The following SLC35D4 variants were observed in gnomAD, a reference collection of about 807,000 sequenced individuals.
SLC35D4 encodes UDP-N-acetylglucosamine transporter SLC35D4.
At chr18:23,400,073 G>A in the SLC35D4 span, among the ~76,000 whole-genome samples, 6 of 152,312 alleles carry the variant, frequency 3.9e-5, no homozygotes, top group Non-Finnish European at 7.4e-5. Flanking sequence ...AAAAGAACCA[G>A]TTTCAAGGGA....
At chr18:23,355,503 G>C in the SLC35D4 span, among the ~76,000 whole-genome samples, 1 of 152,184 alleles carries the variant, frequency 6.6e-6, no homozygotes, top group South Asian at 2.1e-4. Flanking sequence ...AACTACGAAA[G>C]TGAATTGTGT....
the SLC35D4 span, among the ~76,000 whole-genome samples, chr18:23,427,594 T>C: frequency 7.9e-5 from 12 of 152,152 alleles, no homozygotes; most frequent in African/African-American, 2.4e-4. Flanking sequence ...GTTCAACCAT[T>C]GTGGAAGACA....
the SLC35D4 span, among the ~76,000 whole-genome samples, chr18:23,313,185 G>A: frequency 6.9e-6 from 1 of 145,272 alleles, no homozygotes; most frequent in African/African-American, 2.5e-5. Context: ...CCTCCCTGGA[G>A]GGCACATGAA....
At chr18:23,321,905 T>C in the SLC35D4 span, among the ~76,000 whole-genome samples, 1 of 152,248 alleles carries the variant, frequency 6.6e-6, no homozygotes, top group Non-Finnish European at 1.5e-5. Flanking sequence ...ACACAGCCTT[T>C]TTCCCTTCGG....
At chr18:23,369,208 A>G in the SLC35D4 span, among the ~76,000 whole-genome samples, 4 of 152,226 alleles carry the variant, frequency 2.6e-5, no homozygotes, top group Non-Finnish European at 5.9e-5. Context: ...GCTTCTTGCT[A>G]CAAAAACACT....
At chr18:23,321,857 T>C in the SLC35D4 span, among the ~76,000 whole-genome samples, 1 of 152,238 alleles carries the variant, frequency 6.6e-6, no homozygotes, top group Non-Finnish European at 1.5e-5. Flanking sequence ...TAGGTTTTTG[T>C]ATACCCCAGC....
the SLC35D4 span, among the ~76,000 whole-genome samples, chr18:23,400,682 C>T: frequency 6.6e-6 from 1 of 152,088 alleles, no homozygotes; most frequent in Non-Finnish European, 1.5e-5. Context: ...CCAGAGTTAT[C>T]CTAATAATGA....
At chr18:23,422,440 T>C in the SLC35D4 span, among the ~76,000 whole-genome samples, 3 of 152,054 alleles carry the variant, frequency 2.0e-5, no homozygotes. Flanking sequence ...CTAAGCACAA[T>C]ATCCTATTGA....
the SLC35D4 span, among the ~76,000 whole-genome samples, chr18:23,340,869 C>T: frequency 9.3e-4 from 141 of 152,306 alleles, no homozygotes; most frequent in South Asian, 2.9e-3. Flanking sequence ...CTCACTCTGA[C>T]CTCCGCTGCT....
At chr18:23,426,539 T>C in the SLC35D4 span, among the ~76,000 whole-genome samples, 2 of 152,114 alleles carry the variant, frequency 1.3e-5, no homozygotes, top group Admixed American at 6.6e-5. Context: ...AATGGAAGAA[T>C]ATTCCACGCT....
chr18:23,433,661 G>C, the SLC35D4 span, among the ~76,000 whole-genome samples: 1 of 152,178 alleles, frequency 6.6e-6, no homozygotes, highest in Admixed American at 6.5e-5. Flanking sequence ...CAGCACACTT[G>C]CTGCTTCAAA....
chr18:23,243,469 T>TTTG, the SLC35D4 span, among the ~76,000 whole-genome samples: 1 of 92,608 alleles, frequency 1.1e-5, no homozygotes, highest in Admixed American at 1.5e-4. Flanking sequence ...GGGTTTGGTG[T>TTTG]TTTTTTTTTT....
At chr18:23,318,232 C>T in the SLC35D4 span, among the ~76,000 whole-genome samples, 2 of 151,946 alleles carry the variant, frequency 1.3e-5, no homozygotes, top group Admixed American at 1.3e-4. Context: ...GCCAGTTGTT[C>T]GTCTTCTTTG....
chr18:23,311,283 C>T, the SLC35D4 span, among the ~76,000 whole-genome samples: 8 of 151,966 alleles, frequency 5.3e-5, no homozygotes, highest in East Asian at 1.9e-4. Context: ...GTAGAGACAA[C>T]GTCTCACTTT....
chr18:23,336,818 C>A, the SLC35D4 span, among the ~76,000 whole-genome samples: 1 of 152,028 alleles, frequency 6.6e-6, no homozygotes, highest in Non-Finnish European at 1.5e-5. Flanking sequence ...GTAACAGGCT[C>A]CCCACCCAAG....
chr18:23,299,078 A>C, the SLC35D4 span, among the ~76,000 whole-genome samples: 1 of 152,234 alleles, frequency 6.6e-6, no homozygotes, highest in Non-Finnish European at 1.5e-5. Context: ...CATAGGAATG[A>C]ACTGACTATG....
chr18:23,364,933 A>AAAAAAAAAT, the SLC35D4 span, among the ~76,000 whole-genome samples: 18 of 15,794 alleles, frequency 1.1e-3, 2 homozygotes, highest in African/African-American at 3.1e-3. Flanking sequence ...AAAAAAAAAA[A>AAAAAAAAAT]GGACTCCTTT....
chr18:23,437,898 T>TC, the SLC35D4 span: 1 of 1,579,704 alleles, frequency 6.3e-7, no homozygotes, highest in Admixed American at 1.8e-5. Context: ...CCTGCCCAAA[T>TC]CCCCTGGCCG....
At chr18:23,409,076 A>T in the SLC35D4 span, among the ~76,000 whole-genome samples, 1 of 152,098 alleles carries the variant, frequency 6.6e-6, no homozygotes, top group Non-Finnish European at 1.5e-5. Flanking sequence ...CGGAGGTTGC[A>T]GTTAGCTGAG....
Sources: allele counts gnomAD v4.1 joint callset (sites outside exome capture counted in the v4.1 genomes callset), GRCh38; gene constraint gnomAD v4.1.1; transcripts MANE v1.5; gene names NCBI Gene and HGNC (gene_info 2026-07-23, HGNC 2026-07-21).